Variants in TNIK observed in about 807,000 individuals in gnomAD.
TNIK encodes TRAF2 and NCK interacting kinase, also known as TRAF2 and NCK-interacting protein kinase.
TNIK carries 49 observed loss-of-function variants against 191.3 expected under a neutral mutation model. That is an observed-to-expected ratio of 0.26 (90% confidence interval 0.20 to 0.32). TNIK has a LOEUF of 0.32. Ranked by LOEUF, TNIK falls within the 10% of genes least tolerant of loss-of-function variation. The pLI, the probability that TNIK is intolerant of heterozygous loss-of-function variation, is 1.00. For synonymous variants in TNIK, 594 were observed against 600.9 expected (o/e 0.99, Z 0.17); for missense variants, 1,155 against 1,702.3 (o/e 0.68, Z 5.66).
At chr3:171,212,432 T>C (rs1040312482) in intron 3 of TNIK, among the ~76,000 whole-genome samples, 2 of 152,154 alleles carry the variant, frequency 1.3e-5, no homozygotes. Context: ...TTGACATTGG[T>C]ATGGAGGTAT....
At chr3:171,084,116 G>C (rs1299391270) in intron 26 of TNIK, 39 bp downstream of exon 26, 8 of 1,490,374 alleles carry the variant, frequency 5.4e-6, no homozygotes, top group African/African-American at 1.5e-5. Flanking sequence ...ATTAATGAGT[G>C]GTTATTTAAA....
chr3:171,455,381 C>T lies in TNIK; in HGVS notation c.57+4626G>A, dbSNP rs9816307. ...ACCTCAGTCTCCCAATTAGCTGGGA[C>T]CACAGGCACACACCACCACACTGAC... On this transcript the variant is annotated intron_variant, in intron 1 of 32. Coordinates refer to ENST00000436636, the MANE Select transcript of TNIK (RefSeq NM_015028.4). Among the ~76,000 whole-genome samples, 1,337 of 151,784 alleles carry T rather than the reference C, an allele frequency of 8.8e-3. 27 individuals carry two copies. The highest frequency in any genetic ancestry group is 0.03 in the African/African-American group (1,261 of 41,364).
intron 3 of TNIK, among the ~76,000 whole-genome samples, chr3:171,219,089 TAA>T (rs1249979140): frequency 7.6e-4 from 89 of 116,978 alleles, no homozygotes; most frequent in East Asian, 3.8e-3. Flanking sequence ...ATATTTTATA[TAA>T]ATATATAATT....
chr3:171,059,418 A>G lies in TNIK; in HGVS notation c.*4463T>C, dbSNP rs1372391000. 1.3e-5 allele frequency among the ~76,000 whole-genome samples: 2 copies of G among 152,178 alleles called. No individual in the cohort carries two copies. Among genetic ancestry groups the G allele is most frequent in the African/African-American group, 2.4e-5 (1 of 41,448 alleles). On this transcript the variant is annotated 3_prime_UTR_variant, in exon 33 of 33. Coordinates refer to ENST00000436636, the MANE Select transcript of TNIK (RefSeq NM_015028.4). ...AGAATAAAGTCCAAAGCACAGGGTT[A>G]TGATCTCACACTGTTTAATGCTAAG...
At chr3:171,375,954 C>T (rs190611918) in intron 1 of TNIK, among the ~76,000 whole-genome samples, 37 of 152,300 alleles carry the variant, frequency 2.4e-4, no homozygotes, top group African/African-American at 8.4e-4. Flanking sequence ...GGGTAAAATA[C>T]ACCCAACAGA....
chr3:171,354,852 A>G (rs916914268), intron 2 of TNIK, among the ~76,000 whole-genome samples: 2 of 152,208 alleles, frequency 1.3e-5, no homozygotes, highest in Admixed American at 6.5e-5. Context: ...TGACCATAGT[A>G]TTACTCATCA....
rs542055042 is a variant in TNIK at position 171,337,279 on chromosome 3, G to T, written c.123+32341C>A. 2.6e-5 allele frequency among the ~76,000 whole-genome samples: 4 copies of T among 152,328 alleles called. No homozygotes were observed. In the South Asian group the frequency reaches 8.3e-4, roughly 32 times the overall value. On this transcript the variant is annotated intron_variant, in intron 2 of 32. Transcript: ENST00000436636. ...TACCCCTTAGCTGGAAGGAGAGAAG[G>T]TAAGAGCCTCCAAGTGAGAATGGAG...
chr3:171,157,726 C>G lies in TNIK; in HGVS notation c.1017-62G>C, dbSNP rs115069574. On this transcript the variant is annotated intron_variant, in intron 11 of 32. Transcript: ENST00000436636. ...GGCAGGGGCCATGGCTACCAAGAGG[C>G]CTTGGAGGAGGAAAGCGGGACAAAT... The G allele has an allele frequency of 2.2e-3, 3,366 of 1,512,974 alleles. 50 individuals are homozygous for G. The African/African-American group carries it at 0.039, about 17-fold the overall frequency. The allele number at this position is 1,512,974 out of a possible 1,614,324, so 93.7% of individuals were successfully genotyped here.
At chr3:171,110,994 G>T in intron 18 of TNIK, 117 bp from the exon 19 acceptor site, 1 of 1,021,694 alleles carries the variant, frequency 9.8e-7, no homozygotes, top group Non-Finnish European at 1.3e-6. Context: ...CAGCTCAATA[G>T]CAAGAAAACG....
At chr3:171,189,604 A>G (rs1369819465) in intron 6 of TNIK, among the ~76,000 whole-genome samples, 1 of 152,222 alleles carries the variant, frequency 6.6e-6, no homozygotes, top group Non-Finnish European at 1.5e-5. Flanking sequence ...GGTATGACCT[A>G]GGGCTAGTAG....
At chr3:171,420,603 T>C (rs1723676449) in intron 1 of TNIK, among the ~76,000 whole-genome samples, 1 of 152,192 alleles carries the variant, frequency 6.6e-6, no homozygotes, top group Non-Finnish European at 1.5e-5. Flanking sequence ...ACAATTTTTT[T>C]CCTATACTAC....
At chr3:171,226,050 G>A (rs559809088) in intron 3 of TNIK, among the ~76,000 whole-genome samples, 15 of 152,166 alleles carry the variant, frequency 9.9e-5, no homozygotes, top group Middle Eastern at 3.4e-3. Context: ...GTTTATAATG[G>A]GTTTCTATGT....
At chr3:171,301,417 C>T (rs71308508) in intron 2 of TNIK, among the ~76,000 whole-genome samples, 4,934 of 151,230 alleles carry the variant, frequency 0.033, 125 homozygotes, top group Admixed American at 0.05. Flanking sequence ...TGGGTTCAAG[C>T]GATTCTGCTG....
intron 1 of TNIK, among the ~76,000 whole-genome samples, chr3:171,448,003 A>G (rs1044334653): frequency 6.6e-6 from 1 of 152,246 alleles, no homozygotes; most frequent in African/African-American, 2.4e-5. Flanking sequence ...GTATTTTTTA[A>G]GTACACAAAC....
At chr3:171,324,535 T>G (rs147655756) in intron 2 of TNIK, among the ~76,000 whole-genome samples, 74 of 152,232 alleles carry the variant, frequency 4.9e-4, no homozygotes, top group African/African-American at 1.7e-3. Context: ...CATTAGAACC[T>G]GAGCTGGCGA....
intron 2 of TNIK, among the ~76,000 whole-genome samples, chr3:171,315,117 A>G (rs1754464114): frequency 6.6e-6 from 1 of 152,142 alleles, no homozygotes; most frequent in South Asian, 2.1e-4. Flanking sequence ...CAGGGGTAGG[A>G]GATGTGAGGA....
At chr3:171,312,835 G>A (rs1444106054) in intron 2 of TNIK, among the ~76,000 whole-genome samples, 1 of 151,970 alleles carries the variant, frequency 6.6e-6, no homozygotes, top group Non-Finnish European at 1.5e-5. Context: ...CCTGAACTAT[G>A]GCTTATGGCT....
intron 1 of TNIK, among the ~76,000 whole-genome samples, chr3:171,426,208 T>C (rs1213314291): frequency 2.6e-5 from 4 of 151,798 alleles, no homozygotes; most frequent in South Asian, 2.1e-4. Flanking sequence ...ATATACACCA[T>C]GGAATACAAT....
intron 2 of TNIK, among the ~76,000 whole-genome samples, chr3:171,326,265 G>A (rs1162023530): frequency 6.6e-6 from 1 of 151,998 alleles, no homozygotes; most frequent in Non-Finnish European, 1.5e-5. Flanking sequence ...TATTTCTTTG[G>A]CTTTATTATG....
Sources: allele counts gnomAD v4.1 joint callset (sites outside exome capture counted in the v4.1 genomes callset), GRCh38; gene constraint gnomAD v4.1.1; transcripts MANE v1.5; gene names NCBI Gene and HGNC (gene_info 2026-07-23, HGNC 2026-07-21).